Variants in NEO1 observed in about 807,000 individuals in gnomAD.
NEO1 encodes neogenin.
In NEO1, 63 loss-of-function variants were observed where a neutral mutation model predicts 159.7. That is an observed-to-expected ratio of 0.39 (90% CI 0.32 to 0.49). The LOEUF (loss-of-function observed/expected upper bound fraction) is 0.49, where lower values mean the gene tolerates loss of function less well. Among genes scored for constraint, NEO1 ranks in the 20% least tolerant of loss-of-function variants. The probability of loss-of-function intolerance (pLI) is 0.85; values close to 1 mark genes in which losing one functional copy is unlikely to be tolerated. For synonymous variants in NEO1, 633 were observed against 662.0 expected (o/e 0.96, Z 0.67); for missense variants, 1,615 against 1,831.0 (o/e 0.88, Z 2.15).
intron 5 of NEO1, among the ~76,000 whole-genome samples, chr15:73,152,517 A>G (rs1051874316): frequency 6.6e-6 from 1 of 152,142 alleles, no homozygotes; most frequent in Non-Finnish European, 1.5e-5. Context: ...CATTGTATCA[A>G]TGTCCTTTAT....
At chr15:73,241,271 G>T (rs1377155892) in intron 8 of NEO1, among the ~76,000 whole-genome samples, 3 of 152,202 alleles carry the variant, frequency 2.0e-5, no homozygotes, top group Non-Finnish European at 4.4e-5. Context: ...TTTAAAGTTG[G>T]ATTGAAGCCT....
chr15:73,300,468 G>A (rs997954381), intron 27 of NEO1, among the ~76,000 whole-genome samples: 4 of 152,328 alleles, frequency 2.6e-5, no homozygotes, highest in Non-Finnish European at 5.9e-5. Context: ...GGTGGCTCAC[G>A]CTTGTAATCC....
intron 5 of NEO1, among the ~76,000 whole-genome samples, chr15:73,136,903 G>A (rs1291315832): frequency 6.6e-6 from 1 of 152,056 alleles, no homozygotes; most frequent in East Asian, 1.9e-4. Context: ...ACTGCTCCCA[G>A]TGCTGTTTCT....
chr15:73,179,420 C>A (rs2035472737), intron 7 of NEO1, among the ~76,000 whole-genome samples: 1 of 152,080 alleles, frequency 6.6e-6, no homozygotes, highest in South Asian at 2.1e-4. Flanking sequence ...TCAAAATCTC[C>A]TTTCTTGAGG....
chr15:73,214,638 A>G (rs999140409), intron 7 of NEO1, among the ~76,000 whole-genome samples: 6 of 151,994 alleles, frequency 3.9e-5, no homozygotes, highest in Admixed American at 2.0e-4. Flanking sequence ...CTGTGTGCCT[A>G]TTTTTTTAGC....
At chr15:73,193,085 A>G (rs1469177353) in intron 7 of NEO1, among the ~76,000 whole-genome samples, 1 of 152,092 alleles carries the variant, frequency 6.6e-6, no homozygotes, top group Non-Finnish European at 1.5e-5. Flanking sequence ...TGCAAATGTT[A>G]GTTAATATAG....
At position 73,126,246 on chromosome 15, in the gene NEO1, A is replaced by T. The variant is rs532293372; in HGVS notation, c.725-171A>T. 8.7e-4 allele frequency among the ~76,000 whole-genome samples: 133 copies of T among 152,224 alleles called. 1 individual carries two copies. Among genetic ancestry groups the T allele is most frequent in the African/African-American group, 3.1e-3 (129 of 41,524 alleles). ...CAGTAAAGTGCTTTGTCGTGTGTGT[A>T]TGTGGTAATGATGGGGTCTTGCTAT... On this transcript the variant is annotated intron_variant, in intron 3 of 28. Transcript: ENST00000261908.
At position 73,260,388 on chromosome 15, in the gene NEO1, G is replaced by C. The variant is rs770679772; in HGVS notation, c.2321G>C (p.Gly774Ala). 8 of 1,614,028 alleles carry C rather than the reference G, an allele frequency of 5.0e-6. No individual in the cohort carries two copies. In the South Asian group the frequency reaches 7.7e-5, roughly 16 times the overall value. Residue 774 changes from glycine (G) to alanine (A), a missense_variant, in exon 15 of 29, where the codon GGT (glycine) becomes GCT (alanine). Gly to Ala is a moderately conservative substitution (Grantham distance 60). Coordinates refer to ENST00000261908, the MANE Select transcript of NEO1 (RefSeq NM_002499.4). ...ATTGTGGTCAGAGGTTACGCCATTG[G>C]TTATGGCATTGGCAGCCCTCATGCC... is the stretch of plus-strand genomic sequence containing the variant. ...QNIVVRGYAI[G>A]YGIGSPHAQT... is the part of the protein sequence containing the mutation.
chr15:73,198,038 T>C lies in NEO1; in HGVS notation c.1291+19611T>C, dbSNP rs188947960. ...TTTCTATTCTTTCATTTTCAAACTT[T>C]TGGTGTTCTTTTGTTTTAGGGTTAT... On this transcript the variant is annotated intron_variant, in intron 7 of 28. Transcript: ENST00000261908. Among the ~76,000 whole-genome samples, 111 of 152,308 alleles carry C rather than the reference T, an allele frequency of 7.3e-4. 1 individual carries two copies. In the East Asian group the frequency reaches 0.013, roughly 18 times the overall value.
intron 7 of NEO1, among the ~76,000 whole-genome samples, chr15:73,234,004 T>C (rs1047843567): frequency 6.6e-6 from 1 of 152,170 alleles, no homozygotes; most frequent in African/African-American, 2.4e-5. Flanking sequence ...AACATAAGTC[T>C]TTGTACTCGA....
At chr15:73,086,558 T>A (rs145765707) in intron 1 of NEO1, among the ~76,000 whole-genome samples, 1,818 of 140,318 alleles carry the variant, frequency 0.013, 29 homozygotes, top group Non-Finnish European at 0.018. Flanking sequence ...GAATATAGTA[T>A]GTCTTTTTTT....
chr15:73,199,148 G>A (rs1022773598), intron 7 of NEO1, among the ~76,000 whole-genome samples: 3 of 150,432 alleles, frequency 2.0e-5, no homozygotes, highest in Admixed American at 1.3e-4. Flanking sequence ...AGGAGCATTG[G>A]TGAGGTATTT....
intron 1 of NEO1, among the ~76,000 whole-genome samples, chr15:73,080,146 C>G (rs2068967234): frequency 6.6e-6 from 1 of 152,116 alleles, no homozygotes; most frequent in African/African-American, 2.4e-5. Flanking sequence ...GATGAGTATG[C>G]CTTTCCCCCA....
upstream of NEO1, chr15:73,052,083 G>T (rs913089829): frequency 4.0e-5 from 6 of 150,918 alleles, no homozygotes; most frequent in African/African-American, 1.5e-4. Context: ...AGGAGCAGGA[G>T]GATCCGCTTC....
chr15:73,145,954 G>C (rs1182196710), intron 5 of NEO1, among the ~76,000 whole-genome samples: 1 of 152,096 alleles, frequency 6.6e-6, no homozygotes. Flanking sequence ...TTAATTTCAA[G>C]GGCAACCACT....
At chr15:73,298,309 G>A in intron 26 of NEO1, 39 bp from the exon 27 acceptor site, 1 of 1,609,128 alleles carries the variant, frequency 6.2e-7, no homozygotes, top group Non-Finnish European at 8.5e-7. Flanking sequence ...CATATTTAAT[G>A]GCAAAAGAAA....
intron 7 of NEO1, among the ~76,000 whole-genome samples, chr15:73,226,149 G>A (rs1404354162): frequency 6.6e-6 from 1 of 152,112 alleles, no homozygotes; most frequent in Non-Finnish European, 1.5e-5. Context: ...CAGTATTTGG[G>A]GTGTCTCCCA....
At chr15:73,158,145 G>A (rs1169433887) in intron 5 of NEO1, among the ~76,000 whole-genome samples, 3 of 151,196 alleles carry the variant, frequency 2.0e-5, no homozygotes, top group Non-Finnish European at 4.4e-5. Context: ...AACTCGGGAG[G>A]CAGAGGTTGC....
chr15:73,239,575 G>A (rs957163328), intron 8 of NEO1, among the ~76,000 whole-genome samples: 2 of 152,160 alleles, frequency 1.3e-5, no homozygotes, highest in African/African-American at 2.4e-5. Flanking sequence ...CCTTTTCTGT[G>A]TTTAGACACA....
Sources: gnomAD v4.1 joint callset for allele counts (sites outside exome capture counted in the v4.1 genomes callset) on GRCh38, gnomAD v4.1.1 for gene constraint, MANE v1.5 for transcripts, NCBI Gene and HGNC (gene_info 2026-07-23, HGNC 2026-07-21) for gene names.